PAPSS2: variants seen among roughly 807,000 people sequenced by gnomAD.
PAPSS2 encodes the protein 3'-phosphoadenosine 5'-phosphosulfate synthase 2, also known as bifunctional 3'-phosphoadenosine 5'-phosphosulfate synthase 2.
Under a neutral mutation model 66.5 loss-of-function variants are expected in PAPSS2, and 61 were observed. The ratio of observed to expected loss-of-function variants is 0.92; its 90% CI spans 0.75 to 1.14. The LOEUF is 1.14. Ranked by LOEUF, PAPSS2 falls within the 50% of genes most tolerant of loss-of-function variation. PAPSS2 has a pLI of 0.00. For missense variants in PAPSS2, 708 were observed against 789.6 expected (o/e 0.90, Z 1.24); for synonymous variants, 289 against 287.5 (o/e 1.01, Z -0.05).
Position 87,745,850 on chromosome 10 carries a change from C to T in PAPSS2, c.1740C>T (p.Phe580=). 6.2e-7 allele frequency: 1 copy of T among 1,614,048 alleles called. No homozygotes were observed. Among genetic ancestry groups the T allele is most frequent in the Non-Finnish European group, 8.5e-7 (1 of 1,179,956 alleles). ...GTAACAGGCACAATGAGTTTGACTT[C>T]ATCTCAGGAACTCGAATGAGGAAGC... ...YDPARHNEFD[F]ISGTRMRKLA... The change falls in exon 13 of 13, where the codon TTC becomes TTT. Residue 580 remains phenylalanine, a synonymous_variant. Coordinates refer to ENST00000456849, the MANE Select transcript of PAPSS2 (RefSeq NM_001015880.2).
intron 10 of PAPSS2, 49 bp from the exon 11 acceptor site, chr10:87,743,324 T>G: frequency 3.2e-6 from 5 of 1,581,308 alleles, no homozygotes; most frequent in Non-Finnish European, 4.3e-6. Flanking sequence ...TGTGGAGAAA[T>G]GACACCATGT....
At chr10:87,673,727 T>C (rs1377117599) in intron 1 of PAPSS2, among the ~76,000 whole-genome samples, 1 of 147,240 alleles carries the variant, frequency 6.8e-6, no homozygotes, top group Non-Finnish European at 1.5e-5. Context: ...ACCAGCTTTA[T>C]GCTTGGTACC....
chr10:87,724,291 A>G (rs1306707264), intron 8 of PAPSS2, among the ~76,000 whole-genome samples: 1 of 152,092 alleles, frequency 6.6e-6, no homozygotes, highest in Non-Finnish European at 1.5e-5. Flanking sequence ...CTCAAAAAAA[A>G]AGAGAATATG....
At chr10:87,682,765 A>G (rs1853037699) in intron 1 of PAPSS2, among the ~76,000 whole-genome samples, 1 of 152,156 alleles carries the variant, frequency 6.6e-6, no homozygotes, top group Non-Finnish European at 1.5e-5. Context: ...CTTCCTACAT[A>G]GATAGATGGA....
In PAPSS2 at chr10:87,659,939, G is replaced by A. The variant is rs1324872261; in HGVS notation, c.-43G>A. ...CGCCGCCGCCGTCCCTGCGTCCTTC[G>A]GTCTCTGCTCCCGGGACCCGGGCTC... On this transcript the variant is annotated 5_prime_UTR_variant, in exon 1 of 13. Coordinates refer to ENST00000456849, the MANE Select transcript of PAPSS2 (RefSeq NM_001015880.2). 1 of 1,608,890 alleles carries A rather than the reference G, an allele frequency of 6.2e-7. No homozygotes were observed. The highest frequency in any genetic ancestry group is 8.5e-7 in the Non-Finnish European group (1 of 1,177,674).
intron 9 of PAPSS2, among the ~76,000 whole-genome samples, chr10:87,738,891 T>C (rs574913438): frequency 1.5e-3 from 233 of 152,342 alleles, no homozygotes; most frequent in African/African-American, 5.5e-3. Flanking sequence ...TTTTTGTCAT[T>C]GAGTTGTAGG....
chr10:87,733,907 A>G (rs1027914061), intron 9 of PAPSS2, among the ~76,000 whole-genome samples: 2 of 151,650 alleles, frequency 1.3e-5, no homozygotes, highest in Non-Finnish European at 2.9e-5. Flanking sequence ...GCCTGTGACC[A>G]AAACCTGGAT....
At chr10:87,731,260 T>G (rs906586858) in intron 9 of PAPSS2, among the ~76,000 whole-genome samples, 1 of 152,220 alleles carries the variant, frequency 6.6e-6, no homozygotes, top group Non-Finnish European at 1.5e-5. Flanking sequence ...GCCTGGATGA[T>G]AGCACATCTG....
chr10:87,691,720 C>A (rs1464515623), intron 1 of PAPSS2, among the ~76,000 whole-genome samples: 3 of 152,124 alleles, frequency 2.0e-5, no homozygotes, highest in Admixed American at 2.0e-4. Flanking sequence ...TTAGCCAAAG[C>A]CTCACAGCAA....
At chr10:87,686,736 C>A (rs1853094394) in intron 1 of PAPSS2, among the ~76,000 whole-genome samples, 1 of 152,140 alleles carries the variant, frequency 6.6e-6, no homozygotes, top group South Asian at 2.1e-4. Flanking sequence ...AATTTGGAAC[C>A]AAGGCTTTTA....
intron 7 of PAPSS2, 115 bp downstream of exon 7, chr10:87,715,958 C>G: frequency 1.4e-6 from 1 of 735,204 alleles, no homozygotes; most frequent in Non-Finnish European, 2.5e-6. Context: ...TATTGCAAAA[C>G]TGTTTGGATC....
At chr10:87,662,864 T>A (rs958472779) in intron 1 of PAPSS2, among the ~76,000 whole-genome samples, 1 of 151,652 alleles carries the variant, frequency 6.6e-6, no homozygotes. Context: ...CTTTTCCTTA[T>A]TTATTTTCTT....
intron 7 of PAPSS2, 97 bp from the exon 8 acceptor site, chr10:87,721,659 A>C (rs1361250607): frequency 1.3e-6 from 1 of 772,428 alleles, no homozygotes; most frequent in East Asian, 2.7e-5. Context: ...GTATATGTGA[A>C]GTGTCATAAT....
chr10:87,701,797 C>CA (rs1279088246), intron 1 of PAPSS2, among the ~76,000 whole-genome samples: 2 of 152,264 alleles, frequency 1.3e-5, no homozygotes, highest in Middle Eastern at 3.4e-3. Context: ...GAGGCAAACA[C>CA]ACGAATGGCC....
chr10:87,747,118 A>G lies in PAPSS2; in HGVS notation c.*1148A>G, dbSNP rs1008273426. 6.6e-6 allele frequency: 1 copy of G among 152,104 alleles called. No individual in the cohort carries two copies. The highest frequency in any genetic ancestry group is 1.5e-5 in the Non-Finnish European group (1 of 68,032). 9.4% of individuals were successfully genotyped at this position (152,104 alleles called of 1,614,324 possible). On this transcript the variant is annotated 3_prime_UTR_variant, in exon 13 of 13. Coordinates refer to ENST00000456849, the MANE Select transcript of PAPSS2 (RefSeq NM_001015880.2). The stretch of plus-strand genomic sequence containing the variant: ...AAAGTTCCTCGAACAGAAAGTGCTT[A>G]CAAAGCTGCCTTCTCGGATACTGAA...
Position 87,725,342 on chromosome 10 carries a change from C to T in PAPSS2, c.881-1942C>T, listed in dbSNP as rs528841136. On this transcript the variant is annotated intron_variant, in intron 8 of 12. Transcript: ENST00000456849. ...ATGTAGCTTCTCTGAATACCACATT[C>T]GATGCCTTCTAATTTGCTGTGCTGT... is the stretch of plus-strand genomic sequence containing the variant. 2.0e-4 allele frequency among the ~76,000 whole-genome samples: 30 copies of T among 152,262 alleles called. No homozygotes were observed. In the South Asian group the frequency reaches 5.6e-3, roughly 28 times the overall value.
chr10:87,701,000 A>G lies in PAPSS2; in HGVS notation c.28-8196A>G, dbSNP rs116325662. ...TTTGAAGAGTATTTTTGGCCCAGGTATGTATGATTAATGATCAAATGGAAG... is the reference window on the plus strand; with the variant it reads ...TTTGAAGAGTATTTTTGGCCCAGGTGTGTATGATTAATGATCAAATGGAAG... On this transcript the variant is annotated intron_variant, in intron 1 of 12. Transcript: ENST00000456849. Among the ~76,000 whole-genome samples the G allele has an allele frequency of 4.6e-3, 694 of 151,890 alleles. 4 individuals are homozygous for G. The highest frequency in any genetic ancestry group is 0.016 in the African/African-American group (658 of 41,516).
In PAPSS2 at chr10:87,669,257, G is replaced by A. The variant is rs768310734; in HGVS notation, c.27+9249G>A. ...GCAGAAAAAGTTGTATTTGGTAAAG[G>A]CTGGACCAAGTTCAGTTATACGCCA... is the stretch of plus-strand genomic sequence containing the variant. On this transcript the variant is annotated intron_variant, in intron 1 of 12. Coordinates refer to ENST00000456849, the MANE Select transcript of PAPSS2 (RefSeq NM_001015880.2). Among the ~76,000 whole-genome samples, 22 of 152,148 alleles carry A rather than the reference G, an allele frequency of 1.4e-4. 1 individual carries two copies. The highest frequency in any genetic ancestry group is 1.2e-3 in the Admixed American group (18 of 15,274).
chr10:87,728,210 C>A (rs1853683717), intron 9 of PAPSS2, among the ~76,000 whole-genome samples: 1 of 152,096 alleles, frequency 6.6e-6, no homozygotes, highest in Admixed American at 6.5e-5. Flanking sequence ...TGGTTCATTT[C>A]CCACAAAGAA....
Sources: gnomAD v4.1 joint callset for allele counts (sites outside exome capture counted in the v4.1 genomes callset) on GRCh38, gnomAD v4.1.1 for gene constraint, MANE v1.5 for transcripts, NCBI Gene and HGNC (gene_info 2026-07-23, HGNC 2026-07-21) for gene names.